The following GRK6 variants were observed in gnomAD, a reference collection of about 807,000 sequenced individuals.
GRK6 encodes the protein G protein-coupled receptor kinase 6.
In GRK6, 37 loss-of-function variants were observed where a neutral mutation model predicts 80.8. The observed-to-expected ratio is 0.46, with a 90% confidence interval of 0.35 to 0.60. The LOEUF is 0.60. GRK6 is among the 20% of genes least tolerant of loss of function. The probability of loss-of-function intolerance (pLI) is 0.00; values close to 1 mark genes in which losing one functional copy is unlikely to be tolerated. For synonymous variants in GRK6, 295 were observed against 320.9 expected (o/e 0.92, Z 0.86); for missense variants, 560 against 784.6 (o/e 0.71, Z 3.42).
chr5:177,433,562 A>G lies in GRK6; in HGVS notation c.624A>G (p.Thr208=), dbSNP rs777284777. The change falls in exon 8 of 16, where the codon ACA becomes ACG. Residue 208 remains threonine (T), a synonymous_variant. Coordinates refer to ENST00000355472, the MANE Select transcript of GRK6 (RefSeq NM_001004106.3). ...TGTGCGCCTGCCAGGTGCGGGCCAC[A>G]GGTAAGATGTATGCCTGCAAGAAGC... ...GEVCACQVRA[T]GKMYACKKLE... is the part of the protein sequence containing the mutation. 2.0e-5 allele frequency: 33 copies of G among 1,613,946 alleles called. No homozygotes were observed. The highest frequency in any genetic ancestry group is 2.8e-5 in the Non-Finnish European group (33 of 1,180,016).
At chr5:177,431,083 C>A in intron 2 of GRK6, 116 bp downstream of exon 2, 1 of 788,022 alleles carries the variant, frequency 1.3e-6, no homozygotes, top group Non-Finnish European at 2.1e-6. Flanking sequence ...CTCCAGTGAG[C>A]AGGAGGATGA....
chr5:177,427,749 C>G (rs936750191), intron 1 of GRK6, among the ~76,000 whole-genome samples: 1 of 152,204 alleles, frequency 6.6e-6, no homozygotes, highest in Non-Finnish European at 1.5e-5. Flanking sequence ...CCACCTTTTC[C>G]AGGGTGCTGG....
chr5:177,436,695 T>G (rs1764175301), intron 13 of GRK6, 165 bp downstream of exon 13: 1 of 713,370 alleles, frequency 1.4e-6, no homozygotes, highest in African/African-American at 1.8e-5. Context: ...AGCCCCAGGA[T>G]GGGTCTGGCT....
chr5:177,438,835 C>T (rs898585491), intron 13 of GRK6: 2 of 152,280 alleles, frequency 1.3e-5, no homozygotes, highest in African/African-American at 4.8e-5. Context: ...CTCAAGTAAT[C>T]TGCTCGCCTT....
chr5:177,431,192 G>A (rs1057352810), intron 2 of GRK6, among the ~76,000 whole-genome samples: 6 of 152,230 alleles, frequency 3.9e-5, no homozygotes, highest in South Asian at 2.1e-4. Flanking sequence ...AGCGGGTGTC[G>A]GGAATAGGGC....
intron 1 of GRK6, among the ~76,000 whole-genome samples, chr5:177,427,279 C>G (rs965674951): frequency 6.6e-6 from 1 of 152,222 alleles, no homozygotes; most frequent in Admixed American, 6.5e-5. Flanking sequence ...CTAGCCTAAT[C>G]CCGCGCAAAG....
chr5:177,433,116 C>T (rs1284713992), intron 5 of GRK6, 31 bp from the exon 6 acceptor site: 19 of 1,581,862 alleles, frequency 1.2e-5, no homozygotes, highest in Middle Eastern at 2.1e-4. Context: ...CAGGGGCTGG[C>T]GGGTGAGCTG....
rs1315138639 is a variant in GRK6, at chr5:177,426,742, C to G, written c.-104C>G. The G allele has an allele frequency of 3.4e-6, 2 of 596,418 alleles. No individual in the cohort carries two copies. The highest frequency in any genetic ancestry group is 6.5e-5 in the Admixed American group (1 of 15,448). 36.9% of individuals were successfully genotyped at this position (596,418 alleles called of 1,614,324 possible). ...AGGCCGCGGCGCGGTCACTGCGAGC[C>G]GAGCCGAGCCGCGCCGAGCCGCGCC... On this transcript the variant is annotated 5_prime_UTR_variant, in exon 1 of 16. Transcript: ENST00000355472.
chr5:177,441,377 G>T, intron 15 of GRK6: 1 of 1,155,786 alleles, frequency 8.7e-7, no homozygotes, highest in Non-Finnish European at 1.2e-6. Flanking sequence ...CCTGCCCACT[G>T]CTTTGATCCC....
upstream of GRK6, chr5:177,426,538 G>C (rs1049736207): frequency 6.6e-6 from 1 of 151,734 alleles, no homozygotes; most frequent in African/African-American, 2.4e-5. Flanking sequence ...GTCCCCAGCT[G>C]GGGGGGCGGG....
chr5:177,434,915 G>A lies in GRK6; in HGVS notation c.943G>A (p.Glu315Lys), dbSNP rs1764073171. The A allele has an allele frequency of 6.2e-7, 1 of 1,608,402 alleles. No individual in the cohort carries two copies. The highest frequency in any genetic ancestry group is 8.5e-7 in the Non-Finnish European group (1 of 1,176,800). ...CTCTCTGCACAGGGACCTGAAGCCC[G>A]AGAACATCTTGCTGGATGACCACGG... ...ERIVYRDLKP[E>K]NILLDDHGHI... The change falls in exon 10 of 16, where the codon GAG becomes AAG. Residue 315 changes from glutamate (E) to lysine (K), a missense_variant. Around this residue, in one of 3 missense-constraint regions of GRK6, gnomAD observed 294 missense variants for 397.4 expected, o/e 0.74. Coordinates refer to ENST00000355472, the MANE Select transcript of GRK6 (RefSeq NM_001004106.3).
intron 4 of GRK6, 78 bp downstream of exon 4, chr5:177,432,388 C>T: frequency 2.2e-6 from 3 of 1,379,934 alleles, no homozygotes. Flanking sequence ...CAGTGTCAGG[C>T]TTCTGAGGGT....
intron 15 of GRK6, 93 bp downstream of exon 15, chr5:177,441,146 G>A: frequency 6.5e-7 from 1 of 1,536,770 alleles, no homozygotes; most frequent in Non-Finnish European, 8.9e-7. Context: ...CGCTGGGAGT[G>A]GGCGTCCTCC....
chr5:177,435,313 C>T (rs1380767898), intron 11 of GRK6, among the ~76,000 whole-genome samples, 192 bp downstream of exon 11: 1 of 152,254 alleles, frequency 6.6e-6, no homozygotes, highest in African/African-American at 2.4e-5. Flanking sequence ...GAAGCCATGT[C>T]GTTCATTTGC....
chr5:177,426,250 T>G (rs1415966004), upstream of GRK6, among the ~76,000 whole-genome samples: 1 of 152,238 alleles, frequency 6.6e-6, no homozygotes, highest in Non-Finnish European at 1.5e-5. Flanking sequence ...AAAAGCCGTC[T>G]GCGAGCCAAA....
At chr5:177,441,482 C>T in intron 15 of GRK6, 3 of 626,608 alleles carry the variant, frequency 4.8e-6, no homozygotes, top group Non-Finnish European at 5.6e-6. Context: ...GGGCAGAGGC[C>T]TTGCCCTGGC....
In GRK6 at chr5:177,428,903, G is replaced by A. The variant is rs1360239249; in HGVS notation, c.53-1969G>A. Among the ~76,000 whole-genome samples, 1 of 152,168 alleles carries A rather than the reference G, an allele frequency of 6.6e-6. No individual in the cohort carries two copies. The highest frequency in any genetic ancestry group is 2.4e-5 in the African/African-American group (1 of 41,426). ...GGCTTTTCATGAGCTTGAGGCTGGG[G>A]CCCCTGACGGCTTCTCAAGTGATCT... On this transcript the variant is annotated intron_variant, in intron 1 of 15. Transcript: ENST00000355472. The surrounding 1 kb of genome is among the most constrained non-coding windows in gnomAD (Gnocchi z 4.1).
chr5:177,436,257 G>C lies in GRK6; in HGVS notation c.1242G>C (p.Pro414=). The C allele has an allele frequency of 6.2e-7, 1 of 1,614,082 alleles. No homozygotes were observed. Among genetic ancestry groups the C allele is most frequent in the East Asian group, 2.2e-5 (1 of 44,888 alleles). The part of the protein sequence containing the change: ...VPEEYSERFS[P]QARSLCSQLL... Reference sequence around the variant, plus strand: ...AGGAGTATTCCGAGCGCTTTTCCCCGCAGGCCCGCTCACTTTGCTCACAGG... The same window carrying C: ...AGGAGTATTCCGAGCGCTTTTCCCCCCAGGCCCGCTCACTTTGCTCACAGG... Residue 414 remains proline, a synonymous_variant, in exon 12 of 16, where the codon CCG becomes CCC. Transcript: ENST00000355472.
chr5:177,436,716 C>G, intron 13 of GRK6, 186 bp downstream of exon 13: 2 of 609,982 alleles, frequency 3.3e-6, no homozygotes, highest in Non-Finnish European at 5.6e-6. Context: ...TGTGGCATGC[C>G]TGGATGGGGC....
Sources: allele counts gnomAD v4.1 joint callset (sites outside exome capture counted in the v4.1 genomes callset), GRCh38; gene constraint gnomAD v4.1.1; regional missense constraint gnomAD v4.1.1; non-coding constraint Gnocchi (gnomAD v3.1); transcripts MANE v1.5; gene names NCBI Gene and HGNC (gene_info 2026-07-23, HGNC 2026-07-21).